TRPS1: variants seen among roughly 807,000 people sequenced by gnomAD.
TRPS1 encodes the protein transcriptional repressor GATA binding 1.
In TRPS1, 6 loss-of-function variants were observed where a neutral mutation model predicts 101.2. That is an observed-to-expected ratio of 0.06 (90% confidence interval 0.03 to 0.12). TRPS1 has a LOEUF of 0.12. TRPS1 is among the 10% of genes least tolerant of loss of function. TRPS1 has a pLI of 1.00. For synonymous variants in TRPS1, 578 were observed against 589.8 expected (o/e 0.98, Z 0.29); for missense variants, 1,363 against 1,567.0 (o/e 0.87, Z 2.20).
chr8:115,467,875 G>A (rs975926403), intron 5 of TRPS1, among the ~76,000 whole-genome samples: 2 of 152,100 alleles, frequency 1.3e-5, no homozygotes, highest in Non-Finnish European at 2.9e-5. Context: ...TTCTTCCTAT[G>A]ACTGCAAGAA....
chr8:115,569,119 C>T (rs1033870437), intron 5 of TRPS1, among the ~76,000 whole-genome samples: 2 of 152,080 alleles, frequency 1.3e-5, no homozygotes, highest in Admixed American at 6.6e-5. Context: ...ACAAAAATAA[C>T]TCACTGTATG....
At chr8:115,533,866 C>G (rs1371701636) in intron 5 of TRPS1, among the ~76,000 whole-genome samples, 1 of 152,066 alleles carries the variant, frequency 6.6e-6, no homozygotes, top group African/African-American at 2.4e-5. Flanking sequence ...GTGGGAGAGT[C>G]AGAGATAGAG....
At chr8:115,447,905 G>A (rs1366392366) in intron 5 of TRPS1, among the ~76,000 whole-genome samples, 7 of 151,986 alleles carry the variant, frequency 4.6e-5, no homozygotes, top group Non-Finnish European at 1.0e-4. Flanking sequence ...AAATAGAAAT[G>A]AAAATGTCTC....
chr8:115,605,488 G>T (rs930081066), intron 3 of TRPS1, among the ~76,000 whole-genome samples: 13 of 152,146 alleles, frequency 8.5e-5, no homozygotes, highest in Admixed American at 8.5e-4. Flanking sequence ...CAGCAATGAG[G>T]CTGCAGGCAA....
At chr8:115,566,360 C>T (rs914077270) in intron 5 of TRPS1, among the ~76,000 whole-genome samples, 2 of 152,118 alleles carry the variant, frequency 1.3e-5, no homozygotes, top group Non-Finnish European at 2.9e-5. Context: ...AGAATACACA[C>T]CTGTTGCTCA....
In TRPS1 at chr8:115,625,316, G is replaced by T. The variant is rs117362271; in HGVS notation, c.-121-1558C>A. Among the ~76,000 whole-genome samples the T allele has an allele frequency of 3.3e-3, 500 of 151,960 alleles. 3 individuals carry two copies. Among genetic ancestry groups the T allele is most frequent in the Admixed American group, 7.2e-3 (109 of 15,228 alleles). ...AGGGCAAGTCCTTTTGCTTCTCTGAGCCTCCATCTTTACCTGTACAATAAG... is the reference window on the plus strand; with the variant it reads ...AGGGCAAGTCCTTTTGCTTCTCTGATCCTCCATCTTTACCTGTACAATAAG... On this transcript the variant is annotated intron_variant, in intron 1 of 6. Coordinates refer to ENST00000395715, the MANE Select transcript of TRPS1 (RefSeq NM_014112.5).
chr8:115,662,828 T>G (rs1811836755), intron 1 of TRPS1, among the ~76,000 whole-genome samples: 1 of 151,994 alleles, frequency 6.6e-6, no homozygotes, highest in Admixed American at 6.6e-5. Flanking sequence ...AATCTAAAAA[T>G]GCATTTTCGT....
chr8:115,469,592 G>A (rs1029677103), intron 5 of TRPS1, among the ~76,000 whole-genome samples: 5 of 151,906 alleles, frequency 3.3e-5, no homozygotes, highest in South Asian at 2.1e-4. Context: ...TCCACCTCCC[G>A]GGTTCAAGTG....
chr8:115,449,951 G>A (rs1286804895), intron 5 of TRPS1, among the ~76,000 whole-genome samples: 1 of 84,710 alleles, frequency 1.2e-5, no homozygotes, highest in Non-Finnish European at 2.3e-5. Context: ...AGTAATATGT[G>A]ATTTAACACA....
At chr8:115,512,517 G>C (rs1288896890) in intron 5 of TRPS1, among the ~76,000 whole-genome samples, 5 of 151,470 alleles carry the variant, frequency 3.3e-5, no homozygotes, top group Admixed American at 2.0e-4. Context: ...AGAAAATTAT[G>C]CTTCATGGTT....
At position 115,476,311 on chromosome 8, in the gene TRPS1, G is replaced by A. The variant is rs1456087006; in HGVS notation, c.2701-57859C>T. On this transcript the variant is annotated intron_variant, in intron 5 of 6. Transcript: ENST00000395715. ...TGGGATTACAGGCGTGAGCCACCGC[G>A]CCCGGCCCAGAAAATATACTTTCTA... is the stretch of plus-strand genomic sequence containing the variant. Among the ~76,000 whole-genome samples, 6 of 150,966 alleles carry A rather than the reference G, an allele frequency of 4.0e-5. 3 individuals carry two copies. The highest frequency in any genetic ancestry group is 8.8e-5 in the Non-Finnish European group (6 of 67,834).
intron 1 of TRPS1, among the ~76,000 whole-genome samples, chr8:115,652,654 G>A (rs1322856963): frequency 6.6e-6 from 1 of 152,154 alleles, no homozygotes; most frequent in Non-Finnish European, 1.5e-5. Context: ...AGCTTCATTA[G>A]CCATGTATAA....
intron 5 of TRPS1, among the ~76,000 whole-genome samples, chr8:115,526,987 T>G (rs1816012943): frequency 6.6e-6 from 1 of 152,120 alleles, no homozygotes; most frequent in South Asian, 2.1e-4. Context: ...CCCTCTAATA[T>G]ATGTATAACC....
chr8:115,625,946 G>A (rs1028133233), intron 1 of TRPS1, among the ~76,000 whole-genome samples: 1 of 151,660 alleles, frequency 6.6e-6, no homozygotes, highest in Admixed American at 6.6e-5. Context: ...CTTTTCAACT[G>A]TTTGAAATCA....
intron 5 of TRPS1, among the ~76,000 whole-genome samples, chr8:115,461,334 T>G (rs149598617): frequency 6.6e-6 from 1 of 151,946 alleles, no homozygotes; most frequent in Non-Finnish European, 1.5e-5. Context: ...CATACATACA[T>G]ACATACATAC....
chr8:115,534,409 T>C (rs113607078), intron 5 of TRPS1, among the ~76,000 whole-genome samples: 246 of 115,476 alleles, frequency 2.1e-3, no homozygotes, highest in Middle Eastern at 5.6e-3. Flanking sequence ...ACACTGGAGA[T>C]TGAAGCTCTA....
intron 5 of TRPS1, among the ~76,000 whole-genome samples, chr8:115,499,967 TCTTTTCTTTTCTTTTC>T (rs1815270924): frequency 1.0e-5 from 1 of 99,882 alleles, no homozygotes; most frequent in Non-Finnish European, 2.0e-5. Context: ...TTCTTTCTTT[TCTTTTCTTTTCTTTTC>T]TTTTCTTTTC....
chr8:115,637,156 G>T, intron 1 of TRPS1: 1 of 748,348 alleles, frequency 1.3e-6, no homozygotes, highest in Non-Finnish European at 1.6e-6. Context: ...ACAGGAGTAA[G>T]AGAAACAAAC....
At chr8:115,431,116 T>A (rs1813308741) in intron 5 of TRPS1, among the ~76,000 whole-genome samples, 1 of 152,056 alleles carries the variant, frequency 6.6e-6, no homozygotes, top group African/African-American at 2.4e-5. Context: ...TCAGTTAACA[T>A]AAACATAATG....
Sources: allele counts gnomAD v4.1 joint callset (sites outside exome capture counted in the v4.1 genomes callset), GRCh38; gene constraint gnomAD v4.1.1; transcripts MANE v1.5; gene names NCBI Gene and HGNC (gene_info 2026-07-23, HGNC 2026-07-21).